The following KCNMA1 variants were observed in gnomAD, a reference collection of about 807,000 sequenced individuals.
The protein encoded by KCNMA1 is Calcium-activated potassium channel subunit alpha-1.
Under a neutral mutation model 140.0 loss-of-function variants are expected in KCNMA1, and 29 were observed. The ratio of observed to expected loss-of-function variants is 0.21; its 90% CI spans 0.15 to 0.28. The LOEUF is 0.28. Among genes scored for constraint, KCNMA1 ranks in the 10% least tolerant of loss-of-function variants. The pLI, the probability that KCNMA1 is intolerant of heterozygous loss-of-function variation, is 1.00. For synonymous variants in KCNMA1, 612 were observed against 611.9 expected (o/e 1.00, Z 0.00); for missense variants, 880 against 1,602.2 (o/e 0.55, Z 7.70).
chr10:77,487,257 A>AT (rs921041316), intron 1 of KCNMA1, among the ~76,000 whole-genome samples: 48 of 151,338 alleles, frequency 3.2e-4, no homozygotes, highest in African/African-American at 5.1e-4. Flanking sequence ...TAGGTAATAC[A>AT]TTTTTTTTTG....
At position 77,114,341 on chromosome 10, in the gene KCNMA1, C is replaced by T. The variant is rs550021710; in HGVS notation, c.885-1899G>A. 9.8e-5 allele frequency among the ~76,000 whole-genome samples: 15 copies of T among 152,312 alleles called. No individual in the cohort carries two copies. The South Asian group carries it at 3.1e-3, about 32-fold the overall frequency. On this transcript the variant is annotated intron_variant, in intron 6 of 27. Coordinates refer to ENST00000286628, the MANE Select transcript of KCNMA1 (RefSeq NM_001161352.2). Reference sequence around the variant, plus strand: ...TCTGCACTGAGTGCACTGGTATCTGCCCCTGCTCTCTTTCTAAACTGCATC... The same window carrying T: ...TCTGCACTGAGTGCACTGGTATCTGTCCCTGCTCTCTTTCTAAACTGCATC...
chr10:77,161,154 ATAAC>A (rs1425054501), intron 5 of KCNMA1, among the ~76,000 whole-genome samples: 1 of 152,204 alleles, frequency 6.6e-6, no homozygotes, highest in Admixed American at 6.5e-5. Context: ...AAGGAAATAA[ATAAC>A]AGCTGTTTTA....
At chr10:77,573,864 G>T (rs1208308450) in intron 1 of KCNMA1, among the ~76,000 whole-genome samples, 2 of 147,576 alleles carry the variant, frequency 1.4e-5, no homozygotes, top group Non-Finnish European at 1.5e-5. Flanking sequence ...CTGAGACAGG[G>T]TCTCACTCTG....
At chr10:77,555,057 T>TACACACACACACACACACACAC (rs111952376) in intron 1 of KCNMA1, among the ~76,000 whole-genome samples, 186 of 151,540 alleles carry the variant, frequency 1.2e-3, no homozygotes, top group African/African-American at 3.4e-3. Context: ...TCTTACCACA[T>TACACACACACACACACACACAC]ACACACACGC....
At chr10:77,598,426 C>T (rs538491531) in intron 1 of KCNMA1, among the ~76,000 whole-genome samples, 1 of 152,296 alleles carries the variant, frequency 6.6e-6, no homozygotes, top group African/African-American at 2.4e-5. Context: ...CTATCTTGAC[C>T]CGGGCCTGGG....
At chr10:77,517,784 C>T (rs1056241054) in intron 1 of KCNMA1, among the ~76,000 whole-genome samples, 9 of 152,196 alleles carry the variant, frequency 5.9e-5, no homozygotes, top group African/African-American at 1.9e-4. Flanking sequence ...ATTTCCCAGG[C>T]ACATTCCTAG....
In KCNMA1 at chr10:77,171,381, G is replaced by A. The variant is rs542633745; in HGVS notation, c.808+12040C>T. Among the ~76,000 whole-genome samples, 123 of 129,386 alleles carry A rather than the reference G, an allele frequency of 9.5e-4. 1 individual carries two copies. Among genetic ancestry groups the A allele is most frequent in the African/African-American group, 3.9e-3 (120 of 30,552 alleles). 84.9% of individuals were successfully genotyped at this position (129,386 alleles called of 152,430 possible). ...TCACAGAATAGATTTCGGAAAGTACGTGTGCGTGTGTGTGTGTGCGTGTGT... is the reference window on the plus strand; with the variant it reads ...TCACAGAATAGATTTCGGAAAGTACATGTGCGTGTGTGTGTGTGCGTGTGT... On this transcript the variant is annotated intron_variant, in intron 5 of 27. Transcript: ENST00000286628.
intron 2 of KCNMA1, among the ~76,000 whole-genome samples, chr10:77,387,527 G>GTTCTTTTCTTTTCTTTTCTT (rs57906683): frequency 5.0e-5 from 7 of 139,410 alleles, no homozygotes; most frequent in African/African-American, 2.0e-4. Context: ...TCATGGAATT[G>GTTCTTTTCTTTTCTTTTCTT]TTCTTTTCTT....
intron 3 of KCNMA1, chr10:77,217,353 C>A: frequency 3.5e-6 from 1 of 283,184 alleles, no homozygotes; most frequent in Non-Finnish European, 7.3e-6. Context: ...TTTTCTAAGC[C>A]AAATGTTTCC....
At chr10:76,911,257 T>G (rs1206687853) in intron 24 of KCNMA1, 1 of 152,168 alleles carries the variant, frequency 6.6e-6, no homozygotes, top group Non-Finnish European at 1.5e-5. Flanking sequence ...GATACTAGCA[T>G]GAAAGGCTAG....
chr10:77,637,529 C>G lies in KCNMA1; in HGVS notation c.114G>C (p.Ala38=). 6.5e-7 allele frequency: 1 copy of G among 1,537,234 alleles called. No individual in the cohort carries two copies. Among genetic ancestry groups the G allele is most frequent in the Non-Finnish European group, 8.9e-7 (1 of 1,129,790 alleles). The stretch of plus-strand genomic sequence containing the variant: ...AAGAGGAGGAGGAGGAGGAGGAGGA[C>G]GCGTCTAGGCTGAGATGGTTCGCGT... ...NIHANHLSLD[A]SSSSSSSSSS... The change falls in exon 1 of 28, where the codon GCG becomes GCC. Residue 38 remains alanine, a synonymous_variant. Coordinates refer to ENST00000286628, the MANE Select transcript of KCNMA1 (RefSeq NM_001161352.2).
chr10:77,614,539 A>G (rs569628600), intron 1 of KCNMA1, among the ~76,000 whole-genome samples: 20 of 152,282 alleles, frequency 1.3e-4, no homozygotes, highest in African/African-American at 4.1e-4. Context: ...CTTCTGCTAA[A>G]TGCCATTATT....
intron 1 of KCNMA1, among the ~76,000 whole-genome samples, chr10:77,608,927 AAGAG>A (rs34706289): frequency 0.22 from 33,231 of 151,432 alleles, 3,883 homozygotes; most frequent in African/African-American, 0.27. Context: ...TAAGCAAAAA[AAGAG>A]AGAGAGAGAG....
At chr10:76,958,523 G>A (rs375785634) in intron 20 of KCNMA1, among the ~76,000 whole-genome samples, 19 of 152,192 alleles carry the variant, frequency 1.2e-4, no homozygotes, top group Admixed American at 6.5e-4. Flanking sequence ...AGTCTTAACC[G>A]CCGGTACCTC....
intron 1 of KCNMA1, among the ~76,000 whole-genome samples, chr10:77,536,665 G>A (rs1414659219): frequency 6.6e-6 from 1 of 152,164 alleles, no homozygotes. Flanking sequence ...GCAGGATGTT[G>A]GGGTTGGAAT....
chr10:77,506,453 A>G (rs1159667290), intron 1 of KCNMA1, among the ~76,000 whole-genome samples: 1 of 152,122 alleles, frequency 6.6e-6, no homozygotes, highest in Non-Finnish European at 1.5e-5. Flanking sequence ...GTCAGAGTTG[A>G]TGTTTTTAAA....
intron 2 of KCNMA1, among the ~76,000 whole-genome samples, chr10:77,282,853 C>T (rs2069177840): frequency 6.6e-6 from 1 of 152,150 alleles, no homozygotes; most frequent in South Asian, 2.1e-4. Context: ...CTAAAACAAA[C>T]AATCAAAACA....
At chr10:77,343,756 T>G (rs939579768) in intron 2 of KCNMA1, among the ~76,000 whole-genome samples, 1 of 151,998 alleles carries the variant, frequency 6.6e-6, no homozygotes, top group Non-Finnish European at 1.5e-5. Flanking sequence ...AGTAAGTTAT[T>G]TTAGAGAGGA....
chr10:77,215,369 G>GTTTTT (rs1223672971), intron 3 of KCNMA1, among the ~76,000 whole-genome samples: 1 of 140,762 alleles, frequency 7.1e-6, no homozygotes, highest in African/African-American at 2.7e-5. Context: ...GATTGCACCT[G>GTTTTT]TTTTGTTTTG....
Sources: allele counts gnomAD v4.1 joint callset (sites outside exome capture counted in the v4.1 genomes callset), GRCh38; gene constraint gnomAD v4.1.1; transcripts MANE v1.5; gene names NCBI Gene and HGNC (gene_info 2026-07-23, HGNC 2026-07-21).